FARS2: variants seen among roughly 807,000 people sequenced by gnomAD.
The protein encoded by FARS2 is phenylalanine--tRNA ligase, mitochondrial.
FARS2 carries 40 observed loss-of-function variants against 46.4 expected under a neutral mutation model. That is an observed-to-expected ratio of 0.86 (90% CI 0.67 to 1.12). The LOEUF is 1.12. Among genes scored for constraint, FARS2 ranks in the 50% most tolerant of loss-of-function variants. The pLI is 0.00. For missense variants in FARS2, 513 were observed against 567.9 expected, an observed-to-expected ratio of 0.90 and a Z score of 0.98; for synonymous variants, 234 against 214.9, an observed-to-expected ratio of 1.09 and a Z score of -0.78.
chr6:5,357,874 G>T (rs992431644), intron 1 of FARS2, among the ~76,000 whole-genome samples: 1 of 152,188 alleles, frequency 6.6e-6, no homozygotes, highest in Non-Finnish European at 1.5e-5. Flanking sequence ...AAAGAAAAGA[G>T]TAATGAAGAA....
intron 4 of FARS2, among the ~76,000 whole-genome samples, chr6:5,431,480 G>A (rs1301654033): frequency 6.6e-6 from 1 of 152,158 alleles, no homozygotes; most frequent in Non-Finnish European, 1.5e-5. Context: ...AAAGACATTT[G>A]CTGCATGTCA....
At chr6:5,530,638 T>C (rs1769762569) in intron 4 of FARS2, among the ~76,000 whole-genome samples, 1 of 147,906 alleles carries the variant, frequency 6.8e-6, no homozygotes, top group African/African-American at 2.5e-5. Flanking sequence ...ACTTAAATTA[T>C]TGTAATATTT....
At chr6:5,310,938 A>G (rs375255604) in intron 1 of FARS2, among the ~76,000 whole-genome samples, 6 of 152,210 alleles carry the variant, frequency 3.9e-5, no homozygotes, top group Non-Finnish European at 8.8e-5. Flanking sequence ...CAGTTTAGCA[A>G]TATCAAAATA....
chr6:5,308,063 TG>T (rs1768840992), intron 1 of FARS2, among the ~76,000 whole-genome samples: 1 of 152,208 alleles, frequency 6.6e-6, no homozygotes, highest in African/African-American at 2.4e-5. Flanking sequence ...TCAAATAAAA[TG>T]GGCCACGGAT....
At chr6:5,739,325 C>T (rs1319428558) in intron 6 of FARS2, among the ~76,000 whole-genome samples, 12 of 100,702 alleles carry the variant, frequency 1.2e-4, no homozygotes, top group African/African-American at 4.5e-4. Context: ...GTGAGACCCC[C>T]GTCTCTAAAA....
intron 1 of FARS2, among the ~76,000 whole-genome samples, chr6:5,289,977 C>T (rs1399393765): frequency 6.6e-6 from 1 of 152,166 alleles, no homozygotes; most frequent in Non-Finnish European, 1.5e-5. Flanking sequence ...AGGAATTCCA[C>T]TCTTTTGTGT....
intron 1 of FARS2, among the ~76,000 whole-genome samples, chr6:5,314,000 A>T (rs1458430438): frequency 6.6e-6 from 1 of 152,334 alleles, no homozygotes; most frequent in Non-Finnish European, 1.5e-5. Context: ...GTATAGCAAC[A>T]TTTGGGCACC....
intron 4 of FARS2, among the ~76,000 whole-genome samples, chr6:5,446,813 A>G (rs928065647): frequency 1.1e-4 from 16 of 152,166 alleles, no homozygotes; most frequent in Non-Finnish European, 2.1e-4. Flanking sequence ...ATGAATTAAC[A>G]CAGCCATCAT....
chr6:5,564,279 T>C (rs1772192060), intron 5 of FARS2, among the ~76,000 whole-genome samples: 3 of 152,216 alleles, frequency 2.0e-5, no homozygotes, highest in Admixed American at 1.3e-4. Context: ...TGGGGGTCTA[T>C]GAAGTTCCTT....
intron 4 of FARS2, among the ~76,000 whole-genome samples, chr6:5,487,724 A>G (rs978537074): frequency 2.0e-5 from 3 of 152,116 alleles, no homozygotes; most frequent in Admixed American, 6.6e-5. Context: ...TGGCTTTAAT[A>G]CTCAGGGCCT....
At chr6:5,668,200 G>A (rs1778242033) in intron 6 of FARS2, 1 of 152,194 alleles carries the variant, frequency 6.6e-6, no homozygotes, top group Non-Finnish European at 1.5e-5. Flanking sequence ...AGTAGCTTCA[G>A]CTATGTTGAA....
At chr6:5,333,231 G>A (rs921492630) in intron 1 of FARS2, among the ~76,000 whole-genome samples, 1 of 152,188 alleles carries the variant, frequency 6.6e-6, no homozygotes, top group Admixed American at 6.5e-5. Context: ...GATGGACAGG[G>A]AGGAGAAAGA....
At chr6:5,550,331 A>T (rs1371659410) in intron 5 of FARS2, among the ~76,000 whole-genome samples, 3 of 152,168 alleles carry the variant, frequency 2.0e-5, no homozygotes, top group Non-Finnish European at 2.9e-5. Context: ...GCTGGAGCCC[A>T]GTGGTGCCAT....
rs145060278 is a variant in FARS2 at position 5,695,303 on chromosome 6, G to A, written c.1218-75988G>A. 11 of 152,374 alleles carry A rather than the reference G, an allele frequency of 7.2e-5. 1 individual carries two copies. The East Asian group carries it at 1.9e-3, about 27-fold the overall frequency. 9.4% of individuals were successfully genotyped at this position (152,374 alleles called of 1,614,324 possible). A position where few individuals can be genotyped will look rare whatever the true frequency, so the allele number is the denominator to read the frequency against. On this transcript the variant is annotated intron_variant, in intron 6 of 6. Transcript: ENST00000274680. The stretch of plus-strand genomic sequence containing the variant: ...CTTCCTAGGAAGTTACACAACAGCA[G>A]CATTTGTGGCAGTGCCACAGCAAGC...
intron 3 of FARS2, among the ~76,000 whole-genome samples, chr6:5,410,296 G>A (rs564942563): frequency 9.7e-4 from 147 of 152,152 alleles, no homozygotes; most frequent in Non-Finnish European, 1.8e-3. Flanking sequence ...TGGGATTACA[G>A]GCGTGCGCCA....
rs9504508 is a variant in FARS2, at chr6:5,765,734, C to T, written c.1218-5557C>T. Among the ~76,000 whole-genome samples the T allele has an allele frequency of 0.029, 4,464 of 152,254 alleles. 231 individuals are homozygous for T. The highest frequency in any genetic ancestry group is 0.1 in the African/African-American group (4,193 of 41,524). On this transcript the variant is annotated intron_variant, in intron 6 of 6. Transcript: ENST00000274680. This position sits in a 1 kb window ranked among gnomAD's most constrained non-coding sequence, Gnocchi z 4.0. ...TGTCATGGGCGTACTAGGGAACAGT[C>T]CTTTGCTCAGCCGGCTCCTGGGTTT...
At chr6:5,586,950 G>T (rs1327031247) in intron 5 of FARS2, among the ~76,000 whole-genome samples, 1 of 152,124 alleles carries the variant, frequency 6.6e-6, no homozygotes, top group East Asian at 1.9e-4. Flanking sequence ...TGAGGAATGG[G>T]ATTATCAAAA....
intron 2 of FARS2, among the ~76,000 whole-genome samples, chr6:5,392,942 A>AT (rs1760660847): frequency 1.3e-4 from 18 of 143,704 alleles, no homozygotes; most frequent in African/African-American, 4.6e-4. Flanking sequence ...GTGTGTGTGT[A>AT]TATATATATA....
chr6:5,751,434 A>G (rs1761942608), intron 6 of FARS2, among the ~76,000 whole-genome samples: 1 of 152,234 alleles, frequency 6.6e-6, no homozygotes, highest in Admixed American at 6.5e-5. Context: ...AGAAGGAGCC[A>G]TTGTGTGAAC....
Sources: allele counts gnomAD v4.1 joint callset (sites outside exome capture counted in the v4.1 genomes callset), GRCh38; gene constraint gnomAD v4.1.1; non-coding constraint Gnocchi (gnomAD v3.1); transcripts MANE v1.5; gene names NCBI Gene and HGNC (gene_info 2026-07-23, HGNC 2026-07-21).